Variants in TRIM64C observed in about 807,000 individuals in gnomAD.
TRIM64C encodes the protein tripartite motif containing 64C, also known as tripartite motif-containing protein 64C.
TRIM64C carries 25 observed loss-of-function variants against 36.1 expected under a neutral mutation model. The observed-to-expected ratio is 0.69, with a 90% CI of 0.51 to 0.97. The LOEUF is 0.97. Among genes scored for constraint, TRIM64C ranks in the 50% least tolerant of loss-of-function variants. TRIM64C has a pLI of 0.00. For synonymous variants in TRIM64C, 212 were observed against 185.7 expected, an observed-to-expected ratio of 1.14 and a Z score of -1.15; for missense variants, 489 against 536.8, an observed-to-expected ratio of 0.91 and a Z score of 0.88.
At chr11:49,058,306 CA>C (rs1854837820) in intron 1 of TRIM64C, 134 bp from the exon 2 acceptor site, 1 of 691,066 alleles carries the variant, frequency 1.4e-6, no homozygotes, top group Non-Finnish European at 2.3e-6. Flanking sequence ...CCAAGTTAAA[CA>C]AATATGGTTC....
intron 5 of TRIM64C, 46 bp downstream of exon 5, chr11:49,055,264 A>G (rs1854799300): frequency 6.5e-7 from 1 of 1,533,774 alleles, no homozygotes; most frequent in Non-Finnish European, 8.7e-7. Context: ...AAGGGACCCA[A>G]TAAGGAAATA....
rs1437010830 is a variant in TRIM64C at position 49,058,748 on chromosome 11, G to A, written c.365C>T (p.Ala122Val). 1.3e-6 allele frequency: 2 copies of A among 1,547,934 alleles called. No homozygotes were observed. Among genetic ancestry groups the A allele is most frequent in the Non-Finnish European group, 1.7e-6 (2 of 1,146,628 alleles). The change falls in exon 1 of 6, where the codon GCT becomes GTT. Residue 122 changes from alanine (A) to valine (V), a missense_variant. Ala to Val is a moderately conservative substitution (Grantham distance 64). Transcript: ENST00000617704. ...GPCSESPEHM[A>V]HSHSPIGWAA... ...CCATCCTATTGGGCTGTGGCTGTGAGCCATGTGCTCTGGTGACTCAGAGCA... is the reference window on the plus strand; with the variant it reads ...CCATCCTATTGGGCTGTGGCTGTGAACCATGTGCTCTGGTGACTCAGAGCA...
chr11:49,058,330 T>C (rs1037060426), intron 1 of TRIM64C, among the ~76,000 whole-genome samples, 158 bp from the exon 2 acceptor site: 1 of 151,888 alleles, frequency 6.6e-6, no homozygotes, highest in Non-Finnish European at 1.5e-5. Context: ...ATAATTTGGA[T>C]GTGAAAAGTG....
At chr11:49,055,183 A>T in intron 5 of TRIM64C, 127 bp downstream of exon 5, 3 of 1,141,430 alleles carry the variant, frequency 2.6e-6, no homozygotes, top group South Asian at 1.4e-5. Context: ...GAGAAGATGC[A>T]CATGTTTTGG....
chr11:49,057,740 A>C (rs767925605), intron 2 of TRIM64C: 19 of 474,834 alleles, frequency 4.0e-5, no homozygotes, highest in Non-Finnish European at 1.2e-5. Context: ...TTTTACTTTT[A>C]CTATATTTTT....
rs773012441 is a variant in TRIM64C, at chr11:49,056,390, A to C, written c.739-9T>G. 130 of 1,539,116 alleles carry C rather than the reference A, an allele frequency of 8.4e-5. 6 individuals carry two copies. The African/African-American group carries it at 1.8e-3, about 21-fold the overall frequency. On this transcript the variant is annotated splice_polypyrimidine_tract_variant and intron_variant, in intron 3 of 5. Coordinates refer to ENST00000617704, the MANE Select transcript of TRIM64C (RefSeq NM_001206631.1). ...GATATATTTCCCACATCCTGCAAAA[A>C]AAATAAAATGTAATGTTAATTATGA...
Position 49,054,143 on chromosome 11 carries a change from A to G in TRIM64C, c.924T>C (p.Arg308=), listed in dbSNP as rs1486274640. 2 of 1,551,462 alleles carry G rather than the reference A, an allele frequency of 1.3e-6. No individual in the cohort carries two copies. Among genetic ancestry groups the G allele is most frequent in the East Asian group, 4.9e-5 (2 of 40,908 alleles). The change falls in exon 6 of 6, where the codon CGT becomes CGC. Residue 308 remains arginine, a synonymous_variant. Coordinates refer to ENST00000617704, the MANE Select transcript of TRIM64C (RefSeq NM_001206631.1). The stretch of plus-strand genomic sequence containing the variant: ...TGCGATGGTCATCTCCAAATATCAC[A>G]CGTCTCACATCCTCAGAAAGGCTTA... The part of the protein sequence containing the change: ...CYISLSEDVR[R]VIFGDDHRSA...
In TRIM64C at chr11:49,059,100, TG is replaced by T; in HGVS notation, c.12del (p.Asp4GlufsTer16). The T allele has an allele frequency of 6.5e-7, 1 of 1,534,502 alleles. No individual in the cohort carries two copies. Among genetic ancestry groups the T allele is most frequent in the Non-Finnish European group, 8.7e-7 (1 of 1,143,028 alleles). ...AGCTCATTCTGGAAGACTCGCAGGGTGTCTGAATCCATGTTTCTTGAAATTA... is the reference window on the plus strand; with the variant it reads ...AGCTCATTCTGGAAGACTCGCAGGGTTCTGAATCCATGTTTCTTGAAATTA... MDS[D>X]TLRVFQNELI... On this transcript the variant is annotated frameshift_variant, in exon 1 of 6. Transcript: ENST00000617704. LOFTEE classifies it high-confidence loss of function.
At chr11:49,054,297 G>A (rs777987257) in intron 5 of TRIM64C, 90 bp from the exon 6 acceptor site, 34 of 1,427,456 alleles carry the variant, frequency 2.4e-5, no homozygotes, top group African/African-American at 5.8e-5. Flanking sequence ...CTTCTTCCAA[G>A]GAAATACAGA....
At position 49,058,177 on chromosome 11, in the gene TRIM64C, CA is replaced by C; in HGVS notation, c.413-6del. ...CCATTTCCTTTATAAGTTTCTCTTG[CA>C]AAAGAAGCAAGAAGCTTAGCAATGA... On this transcript the variant is annotated splice_region_variant and splice_polypyrimidine_tract_variant and intron_variant, in intron 1 of 5. Transcript: ENST00000617704. The C allele has an allele frequency of 6.7e-7, 1 of 1,496,256 alleles. No homozygotes were observed. 92.7% of individuals were successfully genotyped at this position (1,496,256 alleles called of 1,614,324 possible).
In TRIM64C at chr11:49,053,950, C is replaced by T. The variant is rs1842619064; in HGVS notation, c.1117G>A (p.Asp373Asn). The T allele has an allele frequency of 4.5e-6, 7 of 1,551,560 alleles. No individual in the cohort carries two copies. Among genetic ancestry groups the T allele is most frequent in the East Asian group, 2.4e-5 (1 of 40,916 alleles). The part of the protein sequence containing the change: ...TADTNIVIDS[D>N]KTFFSISSKT... ...GAAGAAATTGAAAAAAATGTTTTGT[C>T]AGAATCAATAACTATATTGGTATCT... The change falls in exon 6 of 6, where the codon GAC becomes AAC. Residue 373 changes from aspartate to asparagine, a missense_variant. Asp to Asn is a conservative substitution (Grantham distance 23). Transcript: ENST00000617704.
In TRIM64C at chr11:49,054,281, T is replaced by C; in HGVS notation, c.860-74A>G. 2.7e-6 allele frequency: 4 copies of C among 1,466,722 alleles called. No individual in the cohort carries two copies. In the South Asian group the frequency reaches 5.7e-5, roughly 21 times the overall value. The allele number at this position is 1,466,722 out of a possible 1,614,324, so 90.9% of individuals were successfully genotyped here. A position where few individuals can be genotyped will look rare whatever the true frequency, so the allele number is the denominator to read the frequency against. On this transcript the variant is annotated intron_variant, in intron 5 of 5. Transcript: ENST00000617704. ...CTCTGTGGCCCAATTATTCACTTCA[T>C]TTGCTCTTCTTCCAAGGAAATACAG... is the stretch of plus-strand genomic sequence containing the variant.
At chr11:49,054,516 C>A (rs1854790815) in intron 5 of TRIM64C, among the ~76,000 whole-genome samples, 1 of 151,906 alleles carries the variant, frequency 6.6e-6, no homozygotes, top group Non-Finnish European at 1.5e-5. Context: ...ATAGAAAAAT[C>A]TTCTTGTATT....
Position 49,054,183 on chromosome 11 carries a change from A to G in TRIM64C, c.884T>C (p.Met295Thr). The G allele has an allele frequency of 6.4e-7, 1 of 1,551,514 alleles. No homozygotes were observed. Among genetic ancestry groups the G allele is most frequent in the South Asian group, 1.2e-5 (1 of 84,054 alleles). Residue 295 changes from methionine (M) to threonine (T), a missense_variant, in exon 6 of 6, where the codon ATG (methionine) becomes ACG (threonine). Transcript: ENST00000617704. ...AGAAAGGCTTATATAGCAAGGAGTCATTTCTGTACTCAGAGCATTATCCAC... is the reference window on the plus strand; with the variant it reads ...AGAAAGGCTTATATAGCAAGGAGTCGTTTCTGTACTCAGAGCATTATCCAC... ...FRVDNALSTE[M>T]TPCYISLSED...
At chr11:49,056,100 C>G (rs2773244) in intron 4 of TRIM64C, among the ~76,000 whole-genome samples, 122,452 of 150,468 alleles carry the variant, frequency 0.81, 50,197 homozygotes, top group African/African-American at 0.86. Context: ...ATTAAGATCT[C>G]TGGGGTAGGG....
chr11:49,056,282 C>T, intron 4 of TRIM64C, 77 bp downstream of exon 4: 1 of 1,158,640 alleles, frequency 8.6e-7, no homozygotes. Flanking sequence ...GATGTTAGTA[C>T]TCAAAATGTA....
intron 4 of TRIM64C, 98 bp from the exon 5 acceptor site, chr11:49,055,505 A>G: frequency 6.8e-7 from 1 of 1,470,498 alleles, no homozygotes; most frequent in African/African-American, 1.4e-5. Flanking sequence ...GTTTCCTCAG[A>G]ATTCTGCCGG....
chr11:49,054,318 C>T (rs1259666388), intron 5 of TRIM64C, 111 bp from the exon 6 acceptor site: 2 of 1,276,078 alleles, frequency 1.6e-6, no homozygotes, highest in Non-Finnish European at 2.1e-6. Context: ...AAAAAGGAAA[C>T]CAAGAGAGTT....
chr11:49,057,344 A>G lies in TRIM64C; in HGVS notation c.542T>C (p.Ile181Thr). 6.5e-7 allele frequency: 1 copy of G among 1,549,798 alleles called. No individual in the cohort carries two copies. Among genetic ancestry groups the G allele is most frequent in the Non-Finnish European group, 8.7e-7 (1 of 1,146,964 alleles). ...YVSLRKVIIT[I>T]QYQKMHIFLD... Reference sequence around the variant, plus strand: ...AAATATATGCATCTTTTGATACTGAATAGTGATTATCACCTTCCTTAATGA... The same window carrying G: ...AAATATATGCATCTTTTGATACTGAGTAGTGATTATCACCTTCCTTAATGA... Residue 181 changes from isoleucine (I) to threonine (T), a missense_variant, in exon 3 of 6, where the codon ATT becomes ACT. Transcript: ENST00000617704.
Sources: allele counts gnomAD v4.1 joint callset (sites outside exome capture counted in the v4.1 genomes callset), GRCh38; gene constraint gnomAD v4.1.1; transcripts MANE v1.5; gene names NCBI Gene and HGNC (gene_info 2026-07-23, HGNC 2026-07-21).